RASL12: variants seen among roughly 807,000 people sequenced by gnomAD.
RASL12 encodes the protein ras-like protein family member 12.
Under a neutral mutation model 22.9 loss-of-function variants are expected in RASL12, and 16 were observed. The ratio of observed to expected loss-of-function variants is 0.70; its 90% CI spans 0.47 to 1.06. RASL12 has a LOEUF of 1.06. RASL12 is among the 50% of genes least tolerant of loss of function. The probability of loss-of-function intolerance (pLI) is 0.00; values close to 1 mark genes in which losing one functional copy is unlikely to be tolerated. For missense variants in RASL12, 306 were observed against 353.1 expected, an observed-to-expected ratio of 0.87 and a Z score of 1.07; for synonymous variants, 159 against 152.2, an observed-to-expected ratio of 1.04 and a Z score of -0.33.
Position 65,065,203 on chromosome 15 carries a change from G to A in RASL12, c.160+14C>T. 1 of 1,611,178 alleles carries A rather than the reference G, an allele frequency of 6.2e-7. No homozygotes were observed. The highest frequency in any genetic ancestry group is 8.5e-7 in the Non-Finnish European group (1 of 1,178,736). On this transcript the variant is annotated intron_variant, in intron 2 of 4. Coordinates refer to ENST00000220062, the MANE Select transcript of RASL12 (RefSeq NM_016563.4). ...GGGCACAGGCAGCAGAAGGTACGGG[G>A]AGTAGTTTCTTACCCAAGTTGGGGT...
chr15:65,054,639 C>A lies in RASL12; in HGVS notation c.*260G>T. The A allele has an allele frequency of 7.4e-7, 1 of 1,354,208 alleles. No homozygotes were observed. Among genetic ancestry groups the A allele is most frequent in the Non-Finnish European group, 9.5e-7 (1 of 1,051,974 alleles). The allele number at this position is 1,354,208 out of a possible 1,614,324, so 83.9% of individuals were successfully genotyped here. A position where few individuals can be genotyped will look rare whatever the true frequency, so the allele number is the denominator to read the frequency against. On this transcript the variant is annotated 3_prime_UTR_variant, in exon 5 of 5. Coordinates refer to ENST00000220062, the MANE Select transcript of RASL12 (RefSeq NM_016563.4). ...TTCCTACTTAAGGCTGACCCCAGGT[C>A]TCTGGGTTGTCACAGTGGCTGTTTC...
At chr15:65,075,366 A>T (rs1415017547) in intron 1 of RASL12, among the ~76,000 whole-genome samples, 2 of 152,170 alleles carry the variant, frequency 1.3e-5, no homozygotes, top group Admixed American at 1.3e-4. Context: ...CCCCTGCTCC[A>T]CGGTGCCCAG....
chr15:65,056,571 C>G (rs1400277077), intron 4 of RASL12, among the ~76,000 whole-genome samples: 2 of 152,180 alleles, frequency 1.3e-5, no homozygotes, highest in African/African-American at 4.8e-5. Flanking sequence ...TTCACAAACA[C>G]AAACCCCATG....
Position 65,067,769 on chromosome 15 carries a change from G to A in RASL12, c.67C>T (p.Leu23=). 6.3e-7 allele frequency: 1 copy of A among 1,581,072 alleles called. No homozygotes were observed. The highest frequency in any genetic ancestry group is 8.6e-7 in the Non-Finnish European group (1 of 1,166,272). The change falls in exon 1 of 5, where the codon CTG becomes TTG. Residue 23 remains leucine, a synonymous_variant. Coordinates refer to ENST00000220062, the MANE Select transcript of RASL12 (RefSeq NM_016563.4). ...GCCCCGCGGCGCCCCAGGATGGCCA[G>A]GTTGACCTCGAGGGGCGCGCTCTGA... ...GPQSAPLEVN[L]AILGRRGAGK...
intron 1 of RASL12, chr15:65,076,452 G>T (rs1302027682): frequency 1.2e-5 from 7 of 602,858 alleles, no homozygotes; most frequent in African/African-American, 1.1e-4. Context: ...CCCACCAGAA[G>T]GAAGAAACTC....
intron 2 of RASL12, among the ~76,000 whole-genome samples, chr15:65,063,513 T>G (rs1228409814): frequency 6.6e-6 from 1 of 152,194 alleles, no homozygotes; most frequent in Non-Finnish European, 1.5e-5. Flanking sequence ...TGGGTGACCT[T>G]GGCCCAGAGT....
chr15:65,053,102 G>A, downstream of RASL12: 1 of 1,614,120 alleles, frequency 6.2e-7, no homozygotes, highest in Non-Finnish European at 8.5e-7. Context: ...GGTGGAACTT[G>A]AGTTAAAAGA....
chr15:65,063,747 CT>C (rs1334731044), intron 2 of RASL12, among the ~76,000 whole-genome samples: 2 of 152,192 alleles, frequency 1.3e-5, no homozygotes, highest in Non-Finnish European at 2.9e-5. Context: ...TAAGGAAAAG[CT>C]TTTTTAAACA....
intron 1 of RASL12, among the ~76,000 whole-genome samples, chr15:65,075,828 A>G (rs1010329620): frequency 6.6e-5 from 10 of 151,836 alleles, no homozygotes; most frequent in African/African-American, 2.2e-4. Context: ...GGGGCCTTGG[A>G]AAACCTTTAT....
chr15:65,056,591 ATG>A (rs760088650), intron 4 of RASL12, among the ~76,000 whole-genome samples: 107 of 152,294 alleles, frequency 7.0e-4, no homozygotes, highest in African/African-American at 2.5e-3. Flanking sequence ...GTGTGCGTGC[ATG>A]TGTGTGAGTG....
the RASL12 span, among the ~76,000 whole-genome samples, chr15:65,048,119 TG>T: frequency 6.6e-6 from 1 of 151,450 alleles, no homozygotes; most frequent in African/African-American, 2.4e-5. Flanking sequence ...AGGCATAGGT[TG>T]CAGTGAGCTG....
chr15:65,061,629 T>C (rs2140524418), intron 2 of RASL12, among the ~76,000 whole-genome samples: 1 of 152,322 alleles, frequency 6.6e-6, no homozygotes, highest in African/African-American at 2.4e-5. Flanking sequence ...GACTTTTGGG[T>C]AGAGAGAAGA....
the RASL12 span, among the ~76,000 whole-genome samples, chr15:65,046,028 G>A: frequency 2.6e-5 from 4 of 151,392 alleles, no homozygotes; most frequent in African/African-American, 7.3e-5. Flanking sequence ...GGCCGGGTGC[G>A]GTGGCTCATG....
chr15:65,054,043 T>C lies in RASL12; in HGVS notation c.*856A>G. 4 of 985,906 alleles carry C rather than the reference T, an allele frequency of 4.1e-6. No homozygotes were observed. The highest frequency in any genetic ancestry group is 4.8e-6 in the Non-Finnish European group (4 of 829,966). 61.1% of individuals were successfully genotyped at this position (985,906 alleles called of 1,614,324 possible). A position where few individuals can be genotyped will look rare whatever the true frequency, so the allele number is the denominator to read the frequency against. ...TTTCTACCTGCAGGGGGGCAGGCCC[T>C]GTAGCCCCTGGATGGGTCTGATGCT... On this transcript the variant is annotated 3_prime_UTR_variant, in exon 5 of 5. Coordinates refer to ENST00000220062, the MANE Select transcript of RASL12 (RefSeq NM_016563.4).
intron 2 of RASL12, among the ~76,000 whole-genome samples, chr15:65,061,658 G>T (rs567941475): frequency 3.3e-5 from 5 of 152,278 alleles, no homozygotes; most frequent in African/African-American, 9.6e-5. Flanking sequence ...CCAAAGTTTT[G>T]AATTTGCCGA....
At chr15:65,049,802 C>T (rs1595899977), downstream of RASL12, 2 of 381,716 alleles carry the variant, frequency 5.2e-6, no homozygotes, top group East Asian at 9.0e-5. Context: ...TCGTTTTTGT[C>T]CCATAACTTT....
At chr15:65,047,126 G>A in the RASL12 span, among the ~76,000 whole-genome samples, 2 of 151,836 alleles carry the variant, frequency 1.3e-5, no homozygotes, top group African/African-American at 2.4e-5. Flanking sequence ...GGAGGCTGAG[G>A]TAGGCGGATC....
At chr15:65,049,892 T>G (rs60518576), downstream of RASL12, 1,623 of 679,158 alleles carry the variant, frequency 2.4e-3, 23 homozygotes, top group African/African-American at 0.027. Flanking sequence ...CTGCTTTGTT[T>G]CCAGGGGTCT....
chr15:65,058,356 C>T, intron 4 of RASL12, 71 bp downstream of exon 4: 1 of 1,318,402 alleles, frequency 7.6e-7, no homozygotes, highest in Non-Finnish European at 1.0e-6. Context: ...ACTAATCCCT[C>T]AAGATGCCAC....
Sources: gnomAD v4.1 joint callset for allele counts (sites outside exome capture counted in the v4.1 genomes callset) on GRCh38, gnomAD v4.1.1 for gene constraint, MANE v1.5 for transcripts, NCBI Gene and HGNC (gene_info 2026-07-23, HGNC 2026-07-21) for gene names.